RANBP2: variants seen among roughly 807,000 people sequenced by gnomAD.
RANBP2 encodes RAN binding protein 2.
A neutral mutation model predicts 303.6 loss-of-function variants in RANBP2; 57 were observed. That is an observed-to-expected ratio of 0.19 (90% CI 0.15 to 0.23). RANBP2 has a LOEUF of 0.23. RANBP2 is among the 10% of genes least tolerant of loss of function. The probability of loss-of-function intolerance (pLI) is 1.00; values close to 1 mark genes in which losing one functional copy is unlikely to be tolerated. For missense variants in RANBP2, 3,138 were observed against 3,780.8 expected, an observed-to-expected ratio of 0.83 and a Z score of 4.46; for synonymous variants, 1,167 against 1,301.5, an observed-to-expected ratio of 0.90 and a Z score of 2.23.
At chr2:109,547,557 T>C in the RANBP2 span, among the ~76,000 whole-genome samples, 2 of 152,036 alleles carry the variant, frequency 1.3e-5, no homozygotes, top group Non-Finnish European at 2.9e-5. Flanking sequence ...GGGCTGAAAA[T>C]CATCTTGATA....
chr2:108,930,103 G>A, the RANBP2 span: 1 of 1,610,380 alleles, frequency 6.2e-7, no homozygotes, highest in African/African-American at 1.3e-5. Context: ...CAGGCTCCAG[G>A]AGGGCTGGGT....
the RANBP2 span, among the ~76,000 whole-genome samples, chr2:109,407,863 C>T: frequency 2.0e-5 from 3 of 152,142 alleles, no homozygotes; most frequent in South Asian, 2.1e-4. Context: ...CAGAGGACAC[C>T]GTGGCTGCCT....
the RANBP2 span, among the ~76,000 whole-genome samples, chr2:108,972,192 C>T: frequency 7.9e-4 from 121 of 152,362 alleles, no homozygotes; most frequent in African/African-American, 2.9e-3. Flanking sequence ...ATTTGGGAGT[C>T]ATTTATTACA....
the RANBP2 span, among the ~76,000 whole-genome samples, chr2:109,418,251 GA>G: frequency 6.6e-6 from 1 of 152,146 alleles, no homozygotes; most frequent in South Asian, 2.1e-4. Flanking sequence ...CTCCCTCCTT[GA>G]AGGGAGGTGG....
the RANBP2 span, among the ~76,000 whole-genome samples, chr2:109,680,187 CAA>C: frequency 5.5e-5 from 7 of 127,596 alleles, no homozygotes; most frequent in Non-Finnish European, 6.6e-5. Context: ...ACTAAAAATA[CAA>C]AAAAAAAAAA....
the RANBP2 span, among the ~76,000 whole-genome samples, chr2:109,518,879 C>T: frequency 1.8e-4 from 26 of 148,490 alleles, no homozygotes; most frequent in African/African-American, 6.3e-4. Context: ...ATGGCCCCAG[C>T]AGGAGGAAGA....
At chr2:109,365,508 G>A in the RANBP2 span, among the ~76,000 whole-genome samples, 2 of 152,132 alleles carry the variant, frequency 1.3e-5, no homozygotes, top group Non-Finnish European at 2.9e-5. Flanking sequence ...TTTTCAGTTT[G>A]TTCAGCTTTT....
the RANBP2 span, among the ~76,000 whole-genome samples, chr2:108,938,316 G>T: frequency 6.6e-6 from 1 of 152,302 alleles, no homozygotes; most frequent in East Asian, 1.9e-4. Flanking sequence ...CATGGTTATT[G>T]CTGCTTGTCA....
At chr2:109,149,459 C>T in the RANBP2 span, among the ~76,000 whole-genome samples, 3 of 152,210 alleles carry the variant, frequency 2.0e-5, no homozygotes, top group South Asian at 4.1e-4. Flanking sequence ...GAGGTTGCCA[C>T]AGCATTTCAT....
At chr2:108,726,076 T>C (rs947618040) in intron 1 of RANBP2, among the ~76,000 whole-genome samples, 6 of 152,194 alleles carry the variant, frequency 3.9e-5, no homozygotes, top group Admixed American at 6.5e-5. Context: ...TACTTAGCTG[T>C]GTCACCCGTG....
chr2:109,013,205 A>G, the RANBP2 span, among the ~76,000 whole-genome samples: 1 of 152,182 alleles, frequency 6.6e-6, no homozygotes, highest in African/African-American at 2.4e-5. Context: ...TTGGCGAGCA[A>G]CTATGCAATA....
chr2:109,615,317 C>T, the RANBP2 span: 6 of 1,608,928 alleles, frequency 3.7e-6, no homozygotes, highest in South Asian at 2.2e-5. Context: ...TCTCTGCCTC[C>T]GATGGCAAGT....
the RANBP2 span, among the ~76,000 whole-genome samples, chr2:109,110,964 C>A: frequency 6.6e-6 from 1 of 152,190 alleles, no homozygotes; most frequent in Non-Finnish European, 1.5e-5. Flanking sequence ...TAGACACCTG[C>A]TGACTATGAT....
chr2:109,200,358 C>A, the RANBP2 span, among the ~76,000 whole-genome samples: 2 of 152,196 alleles, frequency 1.3e-5, no homozygotes, highest in East Asian at 3.9e-4. Context: ...TAGGCTCCTT[C>A]GTGGGGTTGC....
the RANBP2 span, among the ~76,000 whole-genome samples, chr2:108,865,893 C>G: frequency 2.6e-5 from 4 of 152,084 alleles, no homozygotes; most frequent in Admixed American, 6.5e-5. Context: ...TGTCAGTGCT[C>G]CAAGACAGGG....
At chr2:108,791,281 C>T in the RANBP2 span, among the ~76,000 whole-genome samples, 3 of 152,130 alleles carry the variant, frequency 2.0e-5, no homozygotes, top group Non-Finnish European at 2.9e-5. Flanking sequence ...AGTTCTGCTC[C>T]ACTTTCTACT....
the RANBP2 span, among the ~76,000 whole-genome samples, chr2:108,966,358 A>T: frequency 6.6e-6 from 1 of 152,244 alleles, no homozygotes; most frequent in Non-Finnish European, 1.5e-5. Context: ...TGAGACTGGC[A>T]TTAAGTCCCT....
the RANBP2 span, among the ~76,000 whole-genome samples, chr2:109,016,081 G>GTTTTT: frequency 6.6e-6 from 1 of 151,444 alleles, no homozygotes; most frequent in African/African-American, 2.4e-5. Context: ...TGGTTTTTTT[G>GTTTTT]TTTGTTTTGT....
At chr2:109,095,827 T>A in the RANBP2 span, among the ~76,000 whole-genome samples, 1 of 152,212 alleles carries the variant, frequency 6.6e-6, no homozygotes, top group Non-Finnish European at 1.5e-5. Context: ...AAAAAGGCAC[T>A]AATGCAAAAA....
Sources: allele counts gnomAD v4.1 joint callset (sites outside exome capture counted in the v4.1 genomes callset), GRCh38; gene constraint gnomAD v4.1.1; transcripts MANE v1.5; gene names NCBI Gene and HGNC (gene_info 2026-07-23, HGNC 2026-07-21).